AOPEP: variants seen among roughly 807,000 people sequenced by gnomAD.
AOPEP encodes aminopeptidase O.
AOPEP carries 77 observed loss-of-function variants against 98.1 expected under a neutral mutation model. The observed-to-expected ratio is 0.78, with a 90% CI of 0.65 to 0.95. AOPEP has a LOEUF of 0.95. Ranked by LOEUF, AOPEP falls within the 40% of genes least tolerant of loss-of-function variation. The pLI is 0.00. For missense variants in AOPEP, 1,024 were observed against 1,024.7 expected, an observed-to-expected ratio of 1.00 and a Z score of 0.01; for synonymous variants, 346 against 365.3, an observed-to-expected ratio of 0.95 and a Z score of 0.60.
chr9:95,146,601 T>C, the AOPEP span, among the ~76,000 whole-genome samples: 2 of 152,138 alleles, frequency 1.3e-5, no homozygotes, highest in East Asian at 3.8e-4. Flanking sequence ...AGTATCATTT[T>C]AAAATCACAT....
chr9:94,760,864 C>T (rs1055587397), intron 2 of AOPEP: 14 of 270,518 alleles, frequency 5.2e-5, no homozygotes, highest in Admixed American at 1.4e-4. Context: ...TCCTGAGCCT[C>T]GCTCTCCATT....
At chr9:95,085,638 GGAGGATGAGA>G (rs2070566228) in intron 16 of AOPEP, 2 of 371,516 alleles carry the variant, frequency 5.4e-6, no homozygotes, top group African/African-American at 4.3e-5. Context: ...GCGCGATCCT[GGAGGATGAGA>G]GACCACTTGA....
At chr9:94,909,346 T>TAAA (rs3052031) in intron 5 of AOPEP, among the ~76,000 whole-genome samples, 4,572 of 81,522 alleles carry the variant, frequency 0.056, 301 homozygotes, top group East Asian at 0.098. Context: ...TTTGGAGCCT[T>TAAA]AAAAAAAAAA....
chr9:95,055,685 C>T (rs1019113575), intron 13 of AOPEP, among the ~76,000 whole-genome samples: 1 of 152,122 alleles, frequency 6.6e-6, no homozygotes, highest in Admixed American at 6.6e-5. Flanking sequence ...ATTTGTCAGC[C>T]TTTGGGGGAA....
the AOPEP span, chr9:95,100,723 C>T: frequency 1.0e-3 from 233 of 227,194 alleles, 4 homozygotes; most frequent in East Asian, 0.014. Context: ...TCCCACCTCC[C>T]GGGTTCAAGA....
chr9:94,982,419 C>T (rs1190749800), intron 11 of AOPEP, among the ~76,000 whole-genome samples: 4 of 152,272 alleles, frequency 2.6e-5, no homozygotes, highest in East Asian at 1.9e-4. Context: ...GCTGTGTGTC[C>T]GCCCACACAG....
the AOPEP span, among the ~76,000 whole-genome samples, chr9:95,097,256 A>AGAT: frequency 6.6e-6 from 1 of 152,262 alleles, no homozygotes; most frequent in South Asian, 2.1e-4. Context: ...GCTAAAGTAT[A>AGAT]GATGCTGTAA....
intron 5 of AOPEP, among the ~76,000 whole-genome samples, chr9:94,806,849 A>G (rs1849367990): frequency 6.6e-6 from 1 of 152,116 alleles, no homozygotes; most frequent in African/African-American, 2.4e-5. Flanking sequence ...TGTATGTTCC[A>G]TTTTTTACAG....
chr9:94,928,405 G>A lies in AOPEP; in HGVS notation c.1555-20G>A. The stretch of plus-strand genomic sequence containing the variant: ...GACTGTGTTTTGTGCATGTGTGTCT[G>A]TGTGTCTGTGGCTGAGCAGCTGGCC... On this transcript the variant is annotated intron_variant, in intron 6 of 16. Coordinates refer to ENST00000375315, the MANE Select transcript of AOPEP (RefSeq NM_001193329.3). 2 of 1,525,078 alleles carry A rather than the reference G, an allele frequency of 1.3e-6. No individual in the cohort carries two copies. The highest frequency in any genetic ancestry group is 1.8e-6 in the Non-Finnish European group (2 of 1,130,216). 94.5% of individuals were successfully genotyped at this position (1,525,078 alleles called of 1,614,324 possible).
intron 13 of AOPEP, among the ~76,000 whole-genome samples, chr9:95,024,553 C>T (rs138123580): frequency 1.1e-3 from 174 of 152,306 alleles, no homozygotes; most frequent in Middle Eastern, 6.8e-3. Context: ...GTGTGAGTAC[C>T]GACTGCCCAA....
At chr9:94,877,275 G>A (rs1027665821) in intron 5 of AOPEP, among the ~76,000 whole-genome samples, 3 of 152,142 alleles carry the variant, frequency 2.0e-5, no homozygotes, top group African/African-American at 7.2e-5. Flanking sequence ...ATTTGTGCAA[G>A]GGTCAGTTAA....
chr9:94,918,413 T>C (rs2053129537), intron 5 of AOPEP, among the ~76,000 whole-genome samples: 2 of 152,316 alleles, frequency 1.3e-5, no homozygotes, highest in South Asian at 4.1e-4. Context: ...TAGCTTCCCA[T>C]TGGTGCCTCC....
chr9:94,762,174 G>A (rs1355797619), intron 2 of AOPEP, among the ~76,000 whole-genome samples: 6 of 152,192 alleles, frequency 3.9e-5, no homozygotes, highest in Admixed American at 6.5e-5. Context: ...AGGGCCAGGC[G>A]CGGTGGCTCA....
At chr9:94,880,511 C>T (rs1180521631) in intron 5 of AOPEP, among the ~76,000 whole-genome samples, 1 of 151,642 alleles carries the variant, frequency 6.6e-6, no homozygotes, top group African/African-American at 2.4e-5. Flanking sequence ...GGACTACAGG[C>T]GCAAGTCACC....
At chr9:94,937,628 T>C (rs745474095) in intron 7 of AOPEP, among the ~76,000 whole-genome samples, 17 of 152,224 alleles carry the variant, frequency 1.1e-4, no homozygotes, top group Non-Finnish European at 2.1e-4. Flanking sequence ...GTTGTCTCTA[T>C]TTAGAATATC....
chr9:95,061,806 C>T (rs947972477), intron 14 of AOPEP, among the ~76,000 whole-genome samples: 1 of 152,166 alleles, frequency 6.6e-6, no homozygotes, highest in African/African-American at 2.4e-5. Flanking sequence ...TTGAAAAACT[C>T]CAGAGGGGAC....
At chr9:94,744,323 C>T (rs1026224457) in intron 1 of AOPEP, among the ~76,000 whole-genome samples, 1 of 151,978 alleles carries the variant, frequency 6.6e-6, no homozygotes, top group Non-Finnish European at 1.5e-5. Context: ...ACCCGGGAGG[C>T]GGAGCTTGGC....
chr9:94,976,104 A>C (rs1305830169), intron 10 of AOPEP, among the ~76,000 whole-genome samples: 1 of 152,188 alleles, frequency 6.6e-6, no homozygotes, highest in South Asian at 2.1e-4. Flanking sequence ...CTAGAGGACC[A>C]TCATCTCTAC....
chr9:95,045,940 C>T (rs939610326), intron 13 of AOPEP, among the ~76,000 whole-genome samples: 32 of 152,210 alleles, frequency 2.1e-4, no homozygotes, highest in Admixed American at 2.1e-3. Context: ...GCGCCGCCAC[C>T]TCCACTTTGA....
Sources: gnomAD v4.1 joint callset for allele counts (sites outside exome capture counted in the v4.1 genomes callset) on GRCh38, gnomAD v4.1.1 for gene constraint, MANE v1.5 for transcripts, NCBI Gene and HGNC (gene_info 2026-07-23, HGNC 2026-07-21) for gene names.